The following STK39 variants were observed in gnomAD, a reference collection of about 807,000 sequenced individuals.
STK39 encodes the protein serine/threonine kinase 39, also known as STE20/SPS1-related proline-alanine-rich protein kinase.
In STK39, 20 loss-of-function variants were observed where a neutral mutation model predicts 77.8. The observed-to-expected ratio is 0.26, with a 90% CI of 0.18 to 0.37. STK39 has a LOEUF of 0.37. Among genes scored for constraint, STK39 ranks in the 10% least tolerant of loss-of-function variants. STK39 has a pLI of 1.00. For synonymous variants in STK39, 246 were observed against 234.1 expected (o/e 1.05, Z -0.47); for missense variants, 479 against 656.5 (o/e 0.73, Z 2.95).
intron 10 of STK39, 114 bp from the exon 11 acceptor site, chr2:168,075,345 T>C: frequency 7.0e-7 from 1 of 1,420,388 alleles, no homozygotes; most frequent in East Asian, 2.3e-5. Context: ...CCTGAGTGGC[T>C]GTGAATCCAG....
At chr2:167,998,105 A>G (rs1263619181) in intron 16 of STK39, among the ~76,000 whole-genome samples, 1 of 148,288 alleles carries the variant, frequency 6.7e-6, no homozygotes, top group African/African-American at 2.5e-5. Context: ...AATTAAAGGG[A>G]AGGTTAAAAA....
chr2:168,130,049 A>G (rs1471779420), intron 8 of STK39, among the ~76,000 whole-genome samples: 1 of 152,194 alleles, frequency 6.6e-6, no homozygotes, highest in African/African-American at 2.4e-5. Flanking sequence ...TAGTGTTTCT[A>G]AAAGGGGGCA....
intron 14 of STK39, among the ~76,000 whole-genome samples, chr2:168,026,715 G>A (rs1303541607): frequency 2.6e-5 from 4 of 152,232 alleles, no homozygotes; most frequent in Non-Finnish European, 5.9e-5. Flanking sequence ...ATTGCTGCAT[G>A]CAGTGAGAGG....
chr2:168,227,347 T>C (rs375315780), intron 1 of STK39, among the ~76,000 whole-genome samples: 1 of 152,222 alleles, frequency 6.6e-6, no homozygotes, highest in Non-Finnish European at 1.5e-5. Context: ...AGACTAGTCA[T>C]GCCAAAAGCT....
chr2:168,242,336 C>T (rs1034203140), intron 1 of STK39, among the ~76,000 whole-genome samples: 4 of 150,160 alleles, frequency 2.7e-5, no homozygotes, highest in Admixed American at 6.6e-5. Context: ...CTGAGGCAGG[C>T]GGGTTACTTC....
chr2:168,231,310 T>C (rs1334567761), intron 1 of STK39, among the ~76,000 whole-genome samples: 6 of 152,098 alleles, frequency 3.9e-5, no homozygotes, highest in Non-Finnish European at 5.9e-5. Flanking sequence ...CAGAAATGGC[T>C]AAGTTTTTTG....
intron 1 of STK39, among the ~76,000 whole-genome samples, chr2:168,194,054 T>C (rs1428815694): frequency 6.6e-6 from 1 of 152,116 alleles, no homozygotes; most frequent in African/African-American, 2.4e-5. Flanking sequence ...CCTGCAAGCA[T>C]CCAGAAGGAG....
At chr2:168,139,405 A>ATTTTATATATATATAT in intron 7 of STK39, among the ~76,000 whole-genome samples, 1 of 139,484 alleles carries the variant, frequency 7.2e-6, no homozygotes, top group East Asian at 2.4e-4. Flanking sequence ...TGTTAAAAAA[A>ATTTTATATATATATAT]ATTTATATAT....
chr2:168,208,089 C>A (rs576477007), intron 1 of STK39, among the ~76,000 whole-genome samples: 1 of 152,206 alleles, frequency 6.6e-6, no homozygotes, highest in South Asian at 2.1e-4. Flanking sequence ...GTCATACATT[C>A]CAATGTCAAG....
intron 5 of STK39, 22 bp downstream of exon 5, chr2:168,161,765 T>C: frequency 6.3e-7 from 1 of 1,585,798 alleles, no homozygotes; most frequent in Non-Finnish European, 8.6e-7. Context: ...AAGTAAAAAA[T>C]TTTTCTATTT....
At chr2:167,998,103 G>A (rs80174196) in intron 16 of STK39, among the ~76,000 whole-genome samples, 376 of 148,762 alleles carry the variant, frequency 2.5e-3, no homozygotes, top group Non-Finnish European at 3.6e-3. Context: ...CCAATTAAAG[G>A]GAAGGTTAAA....
chr2:168,125,438 T>C (rs547017563), intron 10 of STK39, among the ~76,000 whole-genome samples: 3 of 152,226 alleles, frequency 2.0e-5, no homozygotes, highest in East Asian at 1.9e-4. Context: ...TGCACAAAGA[T>C]AGTGAAAACT....
At chr2:168,229,384 C>CA (rs34695553) in intron 1 of STK39, among the ~76,000 whole-genome samples, 56,714 of 129,272 alleles carry the variant, frequency 0.44, 11,600 homozygotes, top group Middle Eastern at 0.52. Context: ...GACTCTGACT[C>CA]AAAAAAAAAA....
chr2:168,238,475 A>G (rs1379360579), intron 1 of STK39, among the ~76,000 whole-genome samples: 2 of 152,228 alleles, frequency 1.3e-5, no homozygotes, highest in African/African-American at 2.4e-5. Flanking sequence ...GTCAGGGATA[A>G]TATGAATGTA....
In STK39 at chr2:168,130,832, G is replaced by T. The variant is rs561856848; in HGVS notation, c.975-1074C>A. On this transcript the variant is annotated intron_variant, in intron 8 of 17. Coordinates refer to ENST00000355999, the MANE Select transcript of STK39 (RefSeq NM_013233.3). ...AGCCATGAGAAAGAATCAAATAACG[G>T]GAGTATAGGGTTGCTCAGCAAGACA... Among the ~76,000 whole-genome samples, 5 of 152,284 alleles carry T rather than the reference G, an allele frequency of 3.3e-5. No homozygotes were observed. The South Asian group carries it at 1.0e-3, about 32-fold the overall frequency.
intron 10 of STK39, among the ~76,000 whole-genome samples, chr2:168,120,376 C>T (rs1399436354): frequency 6.6e-6 from 1 of 152,212 alleles, no homozygotes; most frequent in African/African-American, 2.4e-5. Flanking sequence ...AGCACAGATG[C>T]TATGCCCACA....
intron 10 of STK39, among the ~76,000 whole-genome samples, chr2:168,088,335 G>A (rs1686425490): frequency 6.6e-6 from 1 of 152,110 alleles, no homozygotes; most frequent in Non-Finnish European, 1.5e-5. Flanking sequence ...GGCAGCAATA[G>A]GCTCTCTGAA....
intron 1 of STK39, among the ~76,000 whole-genome samples, chr2:168,184,830 G>A (rs775396684): frequency 6.6e-6 from 1 of 152,186 alleles, no homozygotes; most frequent in Non-Finnish European, 1.5e-5. Context: ...ATGTTTTACT[G>A]TAAGTGATGA....
chr2:168,196,871 G>C (rs1329001186), intron 1 of STK39, among the ~76,000 whole-genome samples: 1 of 152,176 alleles, frequency 6.6e-6, no homozygotes, highest in East Asian at 1.9e-4. Flanking sequence ...GAGCTCAAGG[G>C]ACAAAGACAG....
Sources: gnomAD v4.1 joint callset for allele counts (sites outside exome capture counted in the v4.1 genomes callset) on GRCh38, gnomAD v4.1.1 for gene constraint, MANE v1.5 for transcripts, NCBI Gene and HGNC (gene_info 2026-07-23, HGNC 2026-07-21) for gene names.